Variants in FBP1 observed in about 807,000 individuals in gnomAD.
The protein encoded by FBP1 is fructose-1,6-bisphosphatase 1.
In FBP1, 22 loss-of-function variants were observed where a neutral mutation model predicts 29.9. That is an observed-to-expected ratio of 0.74 (90% CI 0.53 to 1.05). The LOEUF is 1.05. FBP1 is among the 50% of genes least tolerant of loss of function. FBP1 has a pLI of 0.00. For missense variants in FBP1, 345 were observed against 448.2 expected, an observed-to-expected ratio of 0.77 and a Z score of 2.08; for synonymous variants, 175 against 178.6, an observed-to-expected ratio of 0.98 and a Z score of 0.16.
chr9:94,639,697 G>A (rs1206970043), upstream of FBP1, among the ~76,000 whole-genome samples: 2 of 132,938 alleles, frequency 1.5e-5, no homozygotes, highest in Non-Finnish European at 3.2e-5. Flanking sequence ...CACGCGCCCT[G>A]CCGCCCCCTA....
rs542252800 is a variant in FBP1, at chr9:94,635,764, A to G, written c.170+3377T>C. ...ACCAGTTCCAAGGGTACAGCACTGT[A>G]ATACCCAAAGGCTAGTAAAAACCAA... On this transcript the variant is annotated intron_variant, in intron 1 of 6. Coordinates refer to ENST00000375326, the MANE Select transcript of FBP1 (RefSeq NM_000507.4). Among the ~76,000 whole-genome samples, 152 of 152,224 alleles carry G rather than the reference A, an allele frequency of 1.0e-3. 1 individual carries two copies. Among genetic ancestry groups the G allele is most frequent in the Non-Finnish European group, 1.7e-3 (114 of 68,034 alleles).
At chr9:94,630,210 G>A (rs1029345947) in intron 1 of FBP1, among the ~76,000 whole-genome samples, 1 of 152,112 alleles carries the variant, frequency 6.6e-6, no homozygotes, top group East Asian at 1.9e-4. Flanking sequence ...CAATGTAAAT[G>A]GATGAATAAA....
chr9:94,634,381 A>T (rs1253210401), intron 1 of FBP1, among the ~76,000 whole-genome samples: 1 of 152,130 alleles, frequency 6.6e-6, no homozygotes, highest in African/African-American at 2.4e-5. Flanking sequence ...CCTACAGAGT[A>T]AACTCTGTGT....
At chr9:94,624,074 G>A (rs1827985582) in intron 1 of FBP1, among the ~76,000 whole-genome samples, 1 of 151,972 alleles carries the variant, frequency 6.6e-6, no homozygotes, top group African/African-American at 2.4e-5. Context: ...GGTGGCTCAT[G>A]CCTGTAATCC....
chr9:94,629,959 C>T (rs910072615), intron 1 of FBP1, among the ~76,000 whole-genome samples: 5 of 152,102 alleles, frequency 3.3e-5, no homozygotes, highest in African/African-American at 4.8e-5. Flanking sequence ...CTGGGACATT[C>T]GAAATTAGAA....
intron 1 of FBP1, among the ~76,000 whole-genome samples, chr9:94,638,251 C>G (rs942380485): frequency 1.3e-5 from 2 of 152,204 alleles, no homozygotes; most frequent in South Asian, 4.1e-4. Context: ...CAAACAGTAT[C>G]TGATGGGCAG....
intron 1 of FBP1, among the ~76,000 whole-genome samples, chr9:94,638,822 A>G (rs538971199): frequency 1.3e-5 from 2 of 152,234 alleles, no homozygotes; most frequent in African/African-American, 4.8e-5. Flanking sequence ...AGGTGCCCAC[A>G]CTTGGCCGGC....
chr9:94,625,363 T>C (rs955802545), intron 1 of FBP1, among the ~76,000 whole-genome samples: 4 of 152,150 alleles, frequency 2.6e-5, no homozygotes, highest in African/African-American at 9.6e-5. Flanking sequence ...CACAGCACTC[T>C]GCAAGGACGC....
chr9:94,639,117 C>G (rs945825209), intron 1 of FBP1, 24 bp downstream of exon 1: 8 of 1,575,332 alleles, frequency 5.1e-6, no homozygotes, highest in Non-Finnish European at 6.9e-6. Context: ...CAGGACGGGG[C>G]CCACCGCCCA....
At chr9:94,610,391 G>C (rs556703369) in intron 3 of FBP1, among the ~76,000 whole-genome samples, 17 of 152,102 alleles carry the variant, frequency 1.1e-4, no homozygotes, top group Non-Finnish European at 2.5e-4. Flanking sequence ...ATCTTATTAC[G>C]GGCATCCATC....
chr9:94,605,989 A>G (rs1827693653), intron 5 of FBP1, among the ~76,000 whole-genome samples: 1 of 152,110 alleles, frequency 6.6e-6, no homozygotes, highest in African/African-American at 2.4e-5. Flanking sequence ...AGCAATGTGG[A>G]GAGGGATATG....
chr9:94,636,420 G>A (rs1305485236), intron 1 of FBP1, among the ~76,000 whole-genome samples: 1 of 152,098 alleles, frequency 6.6e-6, no homozygotes, highest in African/African-American at 2.4e-5. Flanking sequence ...TGAGGCTGCA[G>A]TGAGCCATTA....
intron 1 of FBP1, among the ~76,000 whole-genome samples, chr9:94,632,985 A>C (rs1453073414): frequency 1.3e-5 from 2 of 152,236 alleles, no homozygotes; most frequent in Non-Finnish European, 2.9e-5. Flanking sequence ...CAGACAGGCA[A>C]AACAGCCTGC....
At chr9:94,611,281 G>A (rs751151699) in intron 3 of FBP1, among the ~76,000 whole-genome samples, 39 of 152,248 alleles carry the variant, frequency 2.6e-4, no homozygotes, top group Non-Finnish European at 4.1e-4. Flanking sequence ...GCAATTTCTC[G>A]AACTTCACTT....
chr9:94,617,680 T>G, intron 3 of FBP1, 88 bp downstream of exon 3: 1 of 843,312 alleles, frequency 1.2e-6, no homozygotes, highest in Non-Finnish European at 2.0e-6. Context: ...TGATCTCCAC[T>G]CCGGCTGCTC....
chr9:94,603,534 G>T lies in FBP1; in HGVS notation c.864C>A (p.Val288=). Residue 288 remains valine (V), a synonymous_variant, in exon 7 of 7, where the codon GTC becomes GTA. Transcript: ENST00000375326. ...TGGCCATTCCCCCAGCCTTCTCCAT[G>T]ACGTAGGCCATGGGGTTGCATTCGT... ...LLYECNPMAY[V]MEKAGGMATT... 6.2e-7 allele frequency: 1 copy of T among 1,614,228 alleles called. No homozygotes were observed. The highest frequency in any genetic ancestry group is 8.5e-7 in the Non-Finnish European group (1 of 1,180,034).
chr9:94,613,532 AGGCG>A (rs75793477), intron 3 of FBP1, among the ~76,000 whole-genome samples: 29 of 54,110 alleles, frequency 5.4e-4, no homozygotes, highest in Admixed American at 3.2e-3. Context: ...TGGGAGGTCG[AGGCG>A]GGAGGATCGC....
chr9:94,613,886 G>A (rs1827822972), intron 3 of FBP1, among the ~76,000 whole-genome samples: 2 of 151,416 alleles, frequency 1.3e-5, no homozygotes, highest in South Asian at 2.1e-4. Context: ...CACCATCCTG[G>A]CTAACACACG....
rs538662995 is a variant in FBP1 at position 94,627,150 on chromosome 9, T to G, written c.171-6659A>C. 2.0e-5 allele frequency among the ~76,000 whole-genome samples: 3 copies of G among 150,256 alleles called. No individual in the cohort carries two copies. The East Asian group carries it at 5.9e-4, about 29-fold the overall frequency. The stretch of plus-strand genomic sequence containing the variant: ...TTGCAGTAAGCTGAGATCACGCAAT[T>G]GCACTCCAGCCTGGGCAACAAGAGT... On this transcript the variant is annotated intron_variant, in intron 1 of 6. Transcript: ENST00000375326.
Sources: gnomAD v4.1 joint callset for allele counts (sites outside exome capture counted in the v4.1 genomes callset) on GRCh38, gnomAD v4.1.1 for gene constraint, MANE v1.5 for transcripts, NCBI Gene and HGNC (gene_info 2026-07-23, HGNC 2026-07-21) for gene names.